PARD3: variants seen among roughly 807,000 people sequenced by gnomAD.
The protein encoded by PARD3 is partitioning defective 3 homolog.
A neutral mutation model predicts 155.4 loss-of-function variants in PARD3; 75 were observed. The ratio of observed to expected loss-of-function variants is 0.48; its 90% CI spans 0.40 to 0.58. The LOEUF (loss-of-function observed/expected upper bound fraction) is 0.58, where lower values mean the gene tolerates loss of function less well. Ranked by LOEUF, PARD3 falls within the 20% of genes least tolerant of loss-of-function variation. The pLI, the probability that PARD3 is intolerant of heterozygous loss-of-function variation, is 0.00. For missense variants in PARD3, 1,642 were observed against 1,721.7 expected (o/e 0.95, Z 0.82); for synonymous variants, 576 against 610.5 (o/e 0.94, Z 0.83).
At chr10:34,626,971 C>T (rs941047365) in intron 2 of PARD3, among the ~76,000 whole-genome samples, 20 of 152,248 alleles carry the variant, frequency 1.3e-4, no homozygotes, top group African/African-American at 4.8e-4. Flanking sequence ...TATAAGACTC[C>T]ACTTTCAAAG....
At chr10:34,426,116 T>C (rs753722625) in intron 5 of PARD3, among the ~76,000 whole-genome samples, 1 of 152,152 alleles carries the variant, frequency 6.6e-6, no homozygotes, top group Non-Finnish European at 1.5e-5. Context: ...ACCGTACAAG[T>C]AATAGGTTTA....
At chr10:34,278,144 T>C (rs966546614) in intron 21 of PARD3, among the ~76,000 whole-genome samples, 28 of 151,996 alleles carry the variant, frequency 1.8e-4, no homozygotes, top group African/African-American at 6.8e-4. Flanking sequence ...ACTCCTGGGC[T>C]CAAGACATCC....
chr10:34,706,719 C>G (rs1242167188), intron 1 of PARD3, among the ~76,000 whole-genome samples: 1 of 152,114 alleles, frequency 6.6e-6, no homozygotes, highest in Non-Finnish European at 1.5e-5. Context: ...CACGATTGTA[C>G]CACTGCACTC....
At chr10:34,136,451 G>C (rs1354368645) in intron 22 of PARD3, among the ~76,000 whole-genome samples, 1 of 152,186 alleles carries the variant, frequency 6.6e-6, no homozygotes, top group Non-Finnish European at 1.5e-5. Flanking sequence ...ACCTGGAAGA[G>C]AGTAGTTTTA....
At chr10:34,159,915 G>A (rs1382162278) in intron 22 of PARD3, among the ~76,000 whole-genome samples, 5 of 152,198 alleles carry the variant, frequency 3.3e-5, no homozygotes, top group Non-Finnish European at 5.9e-5. Flanking sequence ...CTTGATACGA[G>A]GAGTGGACTC....
At chr10:34,665,801 G>A (rs1452246545) in intron 2 of PARD3, among the ~76,000 whole-genome samples, 7 of 148,962 alleles carry the variant, frequency 4.7e-5, no homozygotes, top group Non-Finnish European at 8.9e-5. Flanking sequence ...CGGCGCCACT[G>A]CACTCCAGCC....
At chr10:34,341,498 A>G (rs1836828795) in intron 16 of PARD3, 129 bp downstream of exon 16, 4 of 612,276 alleles carry the variant, frequency 6.5e-6, no homozygotes, top group African/African-American at 3.8e-5. Flanking sequence ...TATAAGAGTG[A>G]TAAGTATATA....
In PARD3 at chr10:34,666,786, A is replaced by C. The variant is rs1396987808; in HGVS notation, c.222+29532T>G. Among the ~76,000 whole-genome samples, 13 of 90,124 alleles carry C rather than the reference A, an allele frequency of 1.4e-4. 1 individual carries two copies. Among genetic ancestry groups the C allele is most frequent in the African/African-American group, 7.8e-4 (13 of 16,644 alleles). 59.1% of individuals were successfully genotyped at this position (90,124 alleles called of 152,430 possible). On this transcript the variant is annotated intron_variant, in intron 2 of 24. Transcript: ENST00000374788. ...CACCTACCCCTCCCCCTAAAAAAAA[A>C]AAAAAAAAAAATATATATATATATA...
chr10:34,359,744 A>G (rs1450888729), intron 13 of PARD3, among the ~76,000 whole-genome samples: 1 of 152,192 alleles, frequency 6.6e-6, no homozygotes, highest in African/African-American at 2.4e-5. Flanking sequence ...TAAGTGACCC[A>G]CAAACAGGGG....
rs2090206769 is a variant in PARD3 at position 34,605,553 on chromosome 10, A to ATATC, written c.223-88398_223-88395dup. ...ATATATCTCCTATATATATATATAT[A>ATATC]TATCTCCTATATATATATATATCTC... is the stretch of plus-strand genomic sequence containing the variant. On this transcript the variant is annotated intron_variant, in intron 2 of 24. Transcript: ENST00000374788. Among the ~76,000 whole-genome samples the ATATC allele has an allele frequency of 2.7e-5, 2 of 73,158 alleles. 1 individual carries two copies. Among genetic ancestry groups the ATATC allele is most frequent in the Admixed American group, 2.7e-4 (2 of 7,478 alleles). The allele number at this position is 73,158 out of a possible 152,430, so 48.0% of individuals were successfully genotyped here.
intron 2 of PARD3, among the ~76,000 whole-genome samples, chr10:34,643,964 G>A (rs933973435): frequency 2.0e-5 from 3 of 152,122 alleles, no homozygotes; most frequent in Non-Finnish European, 4.4e-5. Context: ...CACAAGAGTG[G>A]AAGACTCCAT....
intron 9 of PARD3, among the ~76,000 whole-genome samples, chr10:34,380,384 G>C (rs566417050): frequency 6.6e-6 from 1 of 152,094 alleles, no homozygotes; most frequent in African/African-American, 2.4e-5. Flanking sequence ...CAGTGATTAA[G>C]CATAGTCTTT....
At chr10:34,764,334 C>A (rs10764002) in intron 1 of PARD3, among the ~76,000 whole-genome samples, 103,670 of 152,034 alleles carry the variant, frequency 0.68, 35,405 homozygotes, top group Non-Finnish European at 0.72. Flanking sequence ...TGTTATGGCC[C>A]GCCTACGTAC....
intron 22 of PARD3, among the ~76,000 whole-genome samples, chr10:34,176,628 C>A (rs626394): frequency 0.2 from 29,923 of 152,144 alleles, 3,783 homozygotes; most frequent in Non-Finnish European, 0.26. Flanking sequence ...TCCCGGATCT[C>A]AGGCTTGCCA....
intron 22 of PARD3, among the ~76,000 whole-genome samples, chr10:34,151,337 A>C (rs959037788): frequency 1.3e-5 from 2 of 152,174 alleles, no homozygotes; most frequent in Non-Finnish European, 2.9e-5. Flanking sequence ...TTGAGAGAAA[A>C]GTCAGGATTT....
At chr10:34,288,554 G>T (rs1483438719) in intron 20 of PARD3, among the ~76,000 whole-genome samples, 1 of 152,128 alleles carries the variant, frequency 6.6e-6, no homozygotes. Context: ...TCCTGAAAAG[G>T]GGAGGGAGTC....
At chr10:34,741,716 T>A (rs1207232873) in intron 1 of PARD3, among the ~76,000 whole-genome samples, 1 of 152,190 alleles carries the variant, frequency 6.6e-6, no homozygotes, top group Non-Finnish European at 1.5e-5. Context: ...GAGCAGATGA[T>A]CCTGGGATCC....
intron 5 of PARD3, among the ~76,000 whole-genome samples, chr10:34,405,295 G>A (rs904007809): frequency 6.6e-6 from 1 of 151,850 alleles, no homozygotes; most frequent in Admixed American, 6.6e-5. Context: ...AATCTTTTAG[G>A]GCAATTATGT....
intron 12 of PARD3, among the ~76,000 whole-genome samples, chr10:34,370,513 C>A (rs758971883): frequency 4.6e-5 from 7 of 152,072 alleles, no homozygotes. Flanking sequence ...CTCCTGGGCT[C>A]AAGTGATCCT....
Sources: gnomAD v4.1 joint callset for allele counts (sites outside exome capture counted in the v4.1 genomes callset) on GRCh38, gnomAD v4.1.1 for gene constraint, MANE v1.5 for transcripts, NCBI Gene and HGNC (gene_info 2026-07-23, HGNC 2026-07-21) for gene names.